The following PTPRD variants were observed in gnomAD, a reference collection of about 807,000 sequenced individuals.
The protein encoded by PTPRD is receptor-type tyrosine-protein phosphatase delta.
In PTPRD, 34 loss-of-function variants were observed where a neutral mutation model predicts 214.5. That is an observed-to-expected ratio of 0.16 (90% CI 0.12 to 0.21). PTPRD has a LOEUF of 0.21. Ranked by LOEUF, PTPRD falls within the 10% of genes least tolerant of loss-of-function variation. The pLI, the probability that PTPRD is intolerant of heterozygous loss-of-function variation, is 1.00. For missense variants in PTPRD, 2,545 were observed against 2,398.7 expected (o/e 1.06, Z -1.27); for synonymous variants, 1,128 against 845.7 (o/e 1.33, Z -5.79).
intron 3 of PTPRD, among the ~76,000 whole-genome samples, chr9:10,073,197 G>A (rs1377029918): frequency 6.6e-6 from 1 of 151,516 alleles, no homozygotes; most frequent in African/African-American, 2.4e-5. Context: ...TTATGATACT[G>A]TAATGGGATA....
chr9:8,875,735 C>T (rs1340165488), intron 11 of PTPRD, among the ~76,000 whole-genome samples: 1 of 152,070 alleles, frequency 6.6e-6, no homozygotes, highest in Non-Finnish European at 1.5e-5. Flanking sequence ...TATAATATTT[C>T]ATGATTTTAG....
At chr9:10,324,532 A>C (rs2096609607) in intron 3 of PTPRD, among the ~76,000 whole-genome samples, 1 of 152,028 alleles carries the variant, frequency 6.6e-6, no homozygotes, top group Admixed American at 6.6e-5. Flanking sequence ...TAGTTGCCTG[A>C]GACATCTGTC....
chr9:9,262,666 A>G (rs1488723954), intron 9 of PTPRD, among the ~76,000 whole-genome samples: 1 of 151,672 alleles, frequency 6.6e-6, no homozygotes, highest in Non-Finnish European at 1.5e-5. Flanking sequence ...AATGATTCCT[A>G]GAGCTAGGAT....
chr9:9,410,234 T>C (rs1308797876), intron 8 of PTPRD, among the ~76,000 whole-genome samples: 1 of 152,208 alleles, frequency 6.6e-6, no homozygotes. Context: ...ATTTCAGTAA[T>C]GGGTGCTTGA....
chr9:8,682,375 A>T (rs1287022763), intron 12 of PTPRD, among the ~76,000 whole-genome samples: 1 of 148,736 alleles, frequency 6.7e-6, no homozygotes, highest in Non-Finnish European at 1.5e-5. Context: ...TTAAATAATT[A>T]ACACCTTTCA....
intron 11 of PTPRD, among the ~76,000 whole-genome samples, chr9:8,752,531 A>G (rs1290252473): frequency 6.6e-6 from 1 of 152,068 alleles, no homozygotes; most frequent in Non-Finnish European, 1.5e-5. Context: ...TTTCTTAATA[A>G]ACTTGCTTTC....
chr9:9,183,715 T>A (rs572234037), intron 9 of PTPRD, among the ~76,000 whole-genome samples: 15 of 152,148 alleles, frequency 9.9e-5, no homozygotes, highest in African/African-American at 3.6e-4. Flanking sequence ...GTTTGTTGCA[T>A]CCTACAATTA....
At chr9:10,131,514 T>C (rs978021595) in intron 3 of PTPRD, among the ~76,000 whole-genome samples, 3 of 152,148 alleles carry the variant, frequency 2.0e-5, no homozygotes, top group South Asian at 2.1e-4. Flanking sequence ...TGTAAAAATA[T>C]AGTAACAAAA....
At chr9:10,505,534 T>C (rs72700967) in intron 2 of PTPRD, among the ~76,000 whole-genome samples, 15,006 of 152,114 alleles carry the variant, frequency 0.099, 1,001 homozygotes, top group African/African-American at 0.18. Context: ...CTGAAAGATA[T>C]ACCTTCAGAA....
At chr9:9,269,650 G>A (rs1941951968) in intron 9 of PTPRD, among the ~76,000 whole-genome samples, 2 of 151,386 alleles carry the variant, frequency 1.3e-5, no homozygotes, top group African/African-American at 4.8e-5. Flanking sequence ...GTGTGTATGT[G>A]TGTGTATGTA....
chr9:10,490,747 A>C (rs1010268317), intron 2 of PTPRD, among the ~76,000 whole-genome samples: 2 of 152,110 alleles, frequency 1.3e-5, no homozygotes, highest in African/African-American at 4.8e-5. Flanking sequence ...TACTTCCATA[A>C]CATTCCCTTA....
intron 10 of PTPRD, among the ~76,000 whole-genome samples, chr9:9,182,102 T>C (rs1271200386): frequency 2.6e-5 from 4 of 152,020 alleles, no homozygotes; most frequent in African/African-American, 9.7e-5. Context: ...TCTTAACATA[T>C]AAAATTGAAC....
chr9:8,991,194 G>C lies in PTPRD; in HGVS notation c.-104+27503C>G, dbSNP rs1589411807. On this transcript the variant is annotated intron_variant, in intron 11 of 45. Transcript: ENST00000381196. ...AGATGGCGCCATTGCACTCCAGCCT[G>C]GGTGACAGAGTGACACTCTGTCTCA... is the stretch of plus-strand genomic sequence containing the variant. 6.0e-5 allele frequency among the ~76,000 whole-genome samples: 9 copies of C among 150,756 alleles called. No homozygotes were observed. The South Asian group carries it at 1.9e-3, about 32-fold the overall frequency.
chr9:9,983,115 G>C (rs933058642), intron 4 of PTPRD, among the ~76,000 whole-genome samples: 9 of 151,916 alleles, frequency 5.9e-5, no homozygotes, highest in Non-Finnish European at 1.3e-4. Flanking sequence ...GGTACAGATA[G>C]GTGATTTGGA....
At chr9:9,619,307 C>T (rs1032671453) in intron 7 of PTPRD, among the ~76,000 whole-genome samples, 2 of 151,578 alleles carry the variant, frequency 1.3e-5, no homozygotes, top group African/African-American at 2.4e-5. Context: ...GATTAAGATA[C>T]AGGAGAAAGG....
intron 35 of PTPRD, among the ~76,000 whole-genome samples, chr9:8,423,224 G>A (rs566138582): frequency 1.4e-4 from 22 of 152,252 alleles, no homozygotes; most frequent in Admixed American, 1.0e-3. Context: ...CTTCTGCCTC[G>A]TCAATCCGGC....
intron 9 of PTPRD, among the ~76,000 whole-genome samples, chr9:9,198,192 G>A (rs1013291352): frequency 3.3e-5 from 5 of 152,136 alleles, no homozygotes; most frequent in Non-Finnish European, 5.9e-5. Context: ...ACTTAGCACT[G>A]TGGCTTTGCA....
intron 10 of PTPRD, among the ~76,000 whole-genome samples, chr9:9,024,612 C>A (rs1286545644): frequency 1.3e-5 from 2 of 151,442 alleles, no homozygotes; most frequent in Non-Finnish European, 2.9e-5. Flanking sequence ...AAAATTTTTG[C>A]CAATTTGATA....
At chr9:10,133,817 G>C (rs1270233710) in intron 3 of PTPRD, among the ~76,000 whole-genome samples, 1 of 152,070 alleles carries the variant, frequency 6.6e-6, no homozygotes, top group Non-Finnish European at 1.5e-5. Context: ...ACATGATCTG[G>C]AAAGATAGTA....
Sources: allele counts gnomAD v4.1 joint callset (sites outside exome capture counted in the v4.1 genomes callset), GRCh38; gene constraint gnomAD v4.1.1; transcripts MANE v1.5; gene names NCBI Gene and HGNC (gene_info 2026-07-23, HGNC 2026-07-21).